Variants in DLGAP2 observed in about 807,000 individuals in gnomAD.
DLGAP2 encodes the protein DLG associated protein 2.
A neutral mutation model predicts 100.3 loss-of-function variants in DLGAP2; 26 were observed. That is an observed-to-expected ratio of 0.26 (90% CI 0.19 to 0.36). The LOEUF is 0.36. Ranked by LOEUF, DLGAP2 falls within the 10% of genes least tolerant of loss-of-function variation. The pLI, the probability that DLGAP2 is intolerant of heterozygous loss-of-function variation, is 1.00. For missense variants in DLGAP2, 1,858 were observed against 1,453.2 expected, an observed-to-expected ratio of 1.28 and a Z score of -4.53; for synonymous variants, 886 against 630.1, an observed-to-expected ratio of 1.41 and a Z score of -6.08.
intron 2 of DLGAP2, among the ~76,000 whole-genome samples, chr8:1,227,904 T>C (rs1798454574): frequency 6.6e-6 from 1 of 152,222 alleles, no homozygotes; most frequent in South Asian, 2.1e-4. Context: ...TCTTAGCTGC[T>C]CTTGCTATAC....
chr8:807,080 A>G (rs1021196506), intron 1 of DLGAP2, among the ~76,000 whole-genome samples: 1 of 152,232 alleles, frequency 6.6e-6, no homozygotes, highest in Admixed American at 6.5e-5. Context: ...TGCAGAGGTC[A>G]GATTCTGCCA....
chr8:797,188 G>A (rs949302940), intron 1 of DLGAP2, among the ~76,000 whole-genome samples: 10 of 152,148 alleles, frequency 6.6e-5, no homozygotes, highest in African/African-American at 2.4e-4. Context: ...CGTCATCTCC[G>A]AAAGTCCTGT....
At chr8:1,464,786 C>A (rs10216605) in intron 3 of DLGAP2, among the ~76,000 whole-genome samples, 29,537 of 152,020 alleles carry the variant, frequency 0.19, 2,903 homozygotes, top group South Asian at 0.27. Context: ...CAGCGAAGCA[C>A]CGGGACGTAG....
At chr8:1,216,460 C>G (rs2167508) in intron 2 of DLGAP2, among the ~76,000 whole-genome samples, 17,012 of 151,712 alleles carry the variant, frequency 0.11, 3,038 homozygotes, top group African/African-American at 0.38. Context: ...GAGATCCTCC[C>G]TCTTCAACCT....
At chr8:1,091,417 G>T (rs1804177650) in intron 2 of DLGAP2, among the ~76,000 whole-genome samples, 1 of 152,236 alleles carries the variant, frequency 6.6e-6, no homozygotes, top group Non-Finnish European at 1.5e-5. Flanking sequence ...TCTCAGTCTA[G>T]TAAGACGCTA....
At chr8:1,365,365 G>GCA in intron 3 of DLGAP2, among the ~76,000 whole-genome samples, 2 of 152,280 alleles carry the variant, frequency 1.3e-5, no homozygotes, top group South Asian at 4.1e-4. Flanking sequence ...GCACAGGGGA[G>GCA]CAGGGAGATG....
chr8:1,316,699 G>A lies in DLGAP2; in HGVS notation c.106+57816G>A, dbSNP rs1384090265. 3.5e-5 allele frequency among the ~76,000 whole-genome samples: 5 copies of A among 140,938 alleles called. 1 individual carries two copies. Among genetic ancestry groups the A allele is most frequent in the African/African-American group, 1.1e-4 (4 of 35,842 alleles). The allele number at this position is 140,938 out of a possible 152,430, so 92.5% of individuals were successfully genotyped here. A position where few individuals can be genotyped will look rare whatever the true frequency, so the allele number is the denominator to read the frequency against. ...TTTTAAAAATACAGCGTGCGTGAGT[G>A]CAGTGTCTATCCCATAGTGGTCTAC... On this transcript the variant is annotated intron_variant, in intron 3 of 14. Transcript: ENST00000637795.
At chr8:1,331,148 G>T (rs1251599535) in intron 3 of DLGAP2, among the ~76,000 whole-genome samples, 1 of 152,200 alleles carries the variant, frequency 6.6e-6, no homozygotes, top group Non-Finnish European at 1.5e-5. Flanking sequence ...TAATCAAATG[G>T]CCGTCACAGT....
At chr8:1,007,074 C>G (rs114236754) in intron 2 of DLGAP2, among the ~76,000 whole-genome samples, 1,596 of 152,072 alleles carry the variant, frequency 0.01, 31 homozygotes, top group African/African-American at 0.036. Flanking sequence ...TGTCTGAAGT[C>G]TCAGAATACG....
At chr8:1,515,633 A>C (rs1271609899) in intron 4 of DLGAP2, among the ~76,000 whole-genome samples, 1 of 152,022 alleles carries the variant, frequency 6.6e-6, no homozygotes, top group Non-Finnish European at 1.5e-5. Context: ...TGCAGACACA[A>C]GCACACACAC....
At chr8:1,517,742 G>A (rs1800443279) in intron 4 of DLGAP2, among the ~76,000 whole-genome samples, 2 of 152,198 alleles carry the variant, frequency 1.3e-5, no homozygotes, top group African/African-American at 4.8e-5. Context: ...TTGGAGTTTT[G>A]GTGTGGTGGA....
intron 4 of DLGAP2, among the ~76,000 whole-genome samples, chr8:1,503,474 C>T (rs550881939): frequency 1.3e-5 from 2 of 152,126 alleles, no homozygotes; most frequent in African/African-American, 2.4e-5. Context: ...GAAGGCTGAG[C>T]CACACTGCAC....
intron 1 of DLGAP2, chr8:738,189 G>GT (rs1820371335): frequency 5.9e-6 from 1 of 170,092 alleles, no homozygotes; most frequent in Non-Finnish European, 1.3e-5. Flanking sequence ...CGCGCCAGGG[G>GT]CTACGCGCCT....
At chr8:1,125,522 A>G (rs973448677) in intron 2 of DLGAP2, among the ~76,000 whole-genome samples, 1 of 152,190 alleles carries the variant, frequency 6.6e-6, no homozygotes, top group African/African-American at 2.4e-5. Flanking sequence ...GAATTATATC[A>G]TGCAGATGAA....
chr8:1,093,581 A>T (rs1804260001), intron 2 of DLGAP2, among the ~76,000 whole-genome samples: 1 of 152,110 alleles, frequency 6.6e-6, no homozygotes, highest in Admixed American at 6.5e-5. Context: ...AGCCAGACAG[A>T]AACACCTTCA....
rs750113012 is a variant in DLGAP2 at position 1,669,800 on chromosome 8, T to TACGCG, written c.2202+16_2202+17insACGCG. Reference sequence around the variant, plus strand: ...AAGGTCAGATGTAAGTACCGAAATGTGCTCCAAAGCCGCGTCCGCATGACT... The same window carrying TACGCG: ...AAGGTCAGATGTAAGTACCGAAATGTACGCGGCTCCAAAGCCGCGTCCGCATGACT... On this transcript the variant is annotated intron_variant, in intron 10 of 14. Transcript: ENST00000637795. The TACGCG allele has an allele frequency of 1.4e-5, 11 of 780,918 alleles. No individual in the cohort carries two copies. In the South Asian group the frequency reaches 1.5e-4, roughly 10 times the overall value. The allele number at this position is 780,918 out of a possible 1,614,324, so 48.4% of individuals were successfully genotyped here. A position where few individuals can be genotyped will look rare whatever the true frequency, so the allele number is the denominator to read the frequency against.
intron 3 of DLGAP2, among the ~76,000 whole-genome samples, chr8:1,454,048 T>C (rs556676643): frequency 6.6e-6 from 1 of 152,318 alleles, no homozygotes; most frequent in Admixed American, 6.5e-5. Flanking sequence ...AAGTTAACAC[T>C]GTTGAATGAC....
At chr8:1,065,645 A>G (rs529595100) in intron 2 of DLGAP2, among the ~76,000 whole-genome samples, 1 of 152,326 alleles carries the variant, frequency 6.6e-6, no homozygotes, top group East Asian at 1.9e-4. Context: ...TGGGATCATC[A>G]GAGACTTTTA....
Position 1,321,250 on chromosome 8 carries a change from C to T in DLGAP2, c.106+62367C>T, listed in dbSNP as rs114331550. ...GTGCATCTGTGTCTCTGCATGTGCA[C>T]GTGCATCTGTGCCATGTGCGTGTGC... On this transcript the variant is annotated intron_variant, in intron 3 of 14. Transcript: ENST00000637795. Among the ~76,000 whole-genome samples, 1,238 of 151,126 alleles carry T rather than the reference C, an allele frequency of 8.2e-3. 16 individuals are homozygous for T. The highest frequency in any genetic ancestry group is 0.027 in the African/African-American group (1,121 of 41,162).
Sources: allele counts gnomAD v4.1 joint callset (sites outside exome capture counted in the v4.1 genomes callset), GRCh38; gene constraint gnomAD v4.1.1; transcripts MANE v1.5; gene names NCBI Gene and HGNC (gene_info 2026-07-23, HGNC 2026-07-21).